FER: variants seen among roughly 807,000 people sequenced by gnomAD.
FER encodes FER tyrosine kinase.
A neutral mutation model predicts 111.0 loss-of-function variants in FER; 63 were observed. That is an observed-to-expected ratio of 0.57 (90% CI 0.46 to 0.70). The LOEUF (loss-of-function observed/expected upper bound fraction) is 0.70, where lower values mean the gene tolerates loss of function less well. FER is among the 30% of genes least tolerant of loss of function. The pLI, the probability that FER is intolerant of heterozygous loss-of-function variation, is 0.00. For missense variants in FER, 914 were observed against 954.0 expected (o/e 0.96, Z 0.55); for synonymous variants, 327 against 313.9 (o/e 1.04, Z -0.44).
rs897267356 is a variant in FER at position 109,100,336 on chromosome 5, G to T, written c.1925-60G>T. On this transcript the variant is annotated intron_variant, in intron 16 of 19. Transcript: ENST00000281092. ...CAAATATTCCTAATAGATCCAAATA[G>T]ATGATAAATGTGACTTTCATCATAA... 33 of 1,584,774 alleles carry T rather than the reference G, an allele frequency of 2.1e-5. No individual in the cohort carries two copies. The African/African-American group carries it at 3.8e-4, about 18-fold the overall frequency.
At chr5:108,771,823 T>C (rs1278786614) in intron 2 of FER, among the ~76,000 whole-genome samples, 1 of 152,218 alleles carries the variant, frequency 6.6e-6, no homozygotes, top group Non-Finnish European at 1.5e-5. Context: ...CCTGAGAACA[T>C]GGGTAATTTC....
At chr5:108,755,086 C>T (rs569073025) in intron 1 of FER, among the ~76,000 whole-genome samples, 7 of 152,232 alleles carry the variant, frequency 4.6e-5, no homozygotes, top group East Asian at 1.9e-4. Flanking sequence ...CCGTACAATC[C>T]GGTAAGGAGG....
chr5:108,870,225 A>G (rs923335886), intron 6 of FER, among the ~76,000 whole-genome samples: 3 of 152,232 alleles, frequency 2.0e-5, no homozygotes, highest in Non-Finnish European at 2.9e-5. Context: ...ATCACCACAG[A>G]TGAATCTCAT....
At chr5:108,795,825 G>A (rs1755955834) in intron 2 of FER, among the ~76,000 whole-genome samples, 2 of 152,162 alleles carry the variant, frequency 1.3e-5, no homozygotes, top group Non-Finnish European at 2.9e-5. Context: ...TGAATTCTCT[G>A]TGTTAAAGAT....
At chr5:108,807,001 T>G (rs896838713) in intron 3 of FER, among the ~76,000 whole-genome samples, 3 of 152,108 alleles carry the variant, frequency 2.0e-5, no homozygotes, top group Non-Finnish European at 4.4e-5. Context: ...AAATCTCATA[T>G]TGAATTTTAA....
chr5:109,130,903 C>T (rs1752283453), intron 17 of FER, among the ~76,000 whole-genome samples: 1 of 152,128 alleles, frequency 6.6e-6, no homozygotes, highest in African/African-American at 2.4e-5. Flanking sequence ...TTTGAATTTG[C>T]TTCCCCAAAC....
chr5:109,186,353 A>T (rs973868610), intron 19 of FER, 31 bp downstream of exon 19: 9 of 1,614,010 alleles, frequency 5.6e-6, no homozygotes, highest in Non-Finnish European at 7.6e-6. Flanking sequence ...GTTAGTGTTC[A>T]TGTCCAGCCC....
intron 16 of FER, chr5:109,052,089 C>A: frequency 6.2e-7 from 1 of 1,603,566 alleles, no homozygotes; most frequent in Non-Finnish European, 8.5e-7. Context: ...AGTGCATCTC[C>A]ACATTGACAC....
intron 17 of FER, among the ~76,000 whole-genome samples, chr5:109,101,294 G>C (rs998504396): frequency 7.9e-5 from 12 of 151,968 alleles, no homozygotes; most frequent in African/African-American, 2.9e-4. Context: ...GCATAATACT[G>C]TTTAATGTGG....
At chr5:109,077,378 C>A (rs1040066443) in intron 16 of FER, among the ~76,000 whole-genome samples, 1 of 152,032 alleles carries the variant, frequency 6.6e-6, no homozygotes, top group East Asian at 1.9e-4. Flanking sequence ...AACCAAAAAG[C>A]CTTTAAAAAA....
intron 8 of FER, among the ~76,000 whole-genome samples, chr5:108,877,845 A>T (rs1222064634): frequency 6.6e-6 from 1 of 152,114 alleles, no homozygotes; most frequent in Non-Finnish European, 1.5e-5. Context: ...AATGATTATG[A>T]TATGAAAAGT....
chr5:108,923,157 C>T (rs1254726840), intron 10 of FER, among the ~76,000 whole-genome samples: 1 of 151,886 alleles, frequency 6.6e-6, no homozygotes, highest in African/African-American at 2.4e-5. Flanking sequence ...CTAAGAAATT[C>T]TTTACCCTAT....
At position 108,855,730 on chromosome 5, in the gene FER, A is replaced by C. The variant is rs77143536; in HGVS notation, c.482-12037A>C. On this transcript the variant is annotated intron_variant, in intron 5 of 19. Coordinates refer to ENST00000281092, the MANE Select transcript of FER (RefSeq NM_005246.4). ...CAACTAGGTTGAATACTGCTAAAAC[A>C]TAAGGTGAGGATTAAGATTTGGAGT... Among the ~76,000 whole-genome samples, 625 of 152,356 alleles carry C rather than the reference A, an allele frequency of 4.1e-3. 4 individuals are homozygous for C. The highest frequency in any genetic ancestry group is 0.015 in the African/African-American group (605 of 41,594).
At chr5:108,878,962 C>T (rs149233370) in intron 8 of FER, among the ~76,000 whole-genome samples, 2,021 of 152,054 alleles carry the variant, frequency 0.013, 41 homozygotes, top group African/African-American at 0.047. Flanking sequence ...TCCCACTTAC[C>T]GGCTCTGTGA....
chr5:109,005,521 A>C (rs1024478287), intron 13 of FER, among the ~76,000 whole-genome samples: 6 of 152,198 alleles, frequency 3.9e-5, no homozygotes, highest in Admixed American at 3.9e-4. Flanking sequence ...GAAGATTCCA[A>C]CGTTTGTGCA....
chr5:108,888,269 A>G (rs534970736), intron 9 of FER, among the ~76,000 whole-genome samples: 29 of 152,082 alleles, frequency 1.9e-4, no homozygotes, highest in African/African-American at 6.7e-4. Context: ...TTCATTCAAC[A>G]ATGTTGATTG....
At chr5:108,811,561 T>C (rs1303240870) in intron 3 of FER, among the ~76,000 whole-genome samples, 1 of 152,122 alleles carries the variant, frequency 6.6e-6, no homozygotes, top group Non-Finnish European at 1.5e-5. Context: ...AAAGTGAAGA[T>C]GGTTGATAGT....
At chr5:108,802,464 C>T (rs368920469) in intron 3 of FER, among the ~76,000 whole-genome samples, 2 of 152,186 alleles carry the variant, frequency 1.3e-5, no homozygotes, top group Middle Eastern at 3.4e-3. Context: ...TTACCAAAGT[C>T]GTAAGCATAA....
intron 4 of FER, among the ~76,000 whole-genome samples, 164 bp downstream of exon 4, chr5:108,833,107 A>G (rs1760220344): frequency 1.3e-5 from 2 of 152,220 alleles, no homozygotes; most frequent in African/African-American, 4.8e-5. Context: ...AACATTGATT[A>G]TAGGATATAC....
Sources: allele counts gnomAD v4.1 joint callset (sites outside exome capture counted in the v4.1 genomes callset), GRCh38; gene constraint gnomAD v4.1.1; transcripts MANE v1.5; gene names NCBI Gene and HGNC (gene_info 2026-07-23, HGNC 2026-07-21).